The following SSC5D variants were observed in gnomAD, a reference collection of about 807,000 sequenced individuals.
The protein encoded by SSC5D is scavenger receptor cysteine rich family member with 5 domains, also known as soluble scavenger receptor cysteine-rich domain-containing protein SSC5D.
In SSC5D, 106 loss-of-function variants were observed where a neutral mutation model predicts 104.6. That is an observed-to-expected ratio of 1.01 (90% CI 0.87 to 1.19). The LOEUF (loss-of-function observed/expected upper bound fraction) is 1.19, where lower values mean the gene tolerates loss of function less well. Among genes scored for constraint, SSC5D ranks in the 50% most tolerant of loss-of-function variants. The pLI is 0.00. For synonymous variants in SSC5D, 860 were observed against 883.5 expected, an observed-to-expected ratio of 0.97 and a Z score of 0.47; for missense variants, 1,993 against 2,153.8, an observed-to-expected ratio of 0.93 and a Z score of 1.48.
In SSC5D at chr19:55,518,327, T is replaced by C. The variant is rs1711106640; in HGVS notation, c.4051T>C (p.Ser1351Pro). Residue 1351 changes from serine to proline, a missense_variant, in exon 14 of 14, where the codon TCT (serine) becomes CCT (proline). Ser to Pro is a moderately conservative substitution (Grantham distance 74, BLOSUM62 -1). Coordinates refer to ENST00000389623, the MANE Select transcript of SSC5D (RefSeq NM_001144950.2). Reference sequence around the variant, plus strand: ...AACCTCCTTGGGGACAGAACTCTCCTCTCCCACTCTAGCACCAACAGTCAA... The same window carrying C: ...AACCTCCTTGGGGACAGAACTCTCCCCTCCCACTCTAGCACCAACAGTCAA... ...LPTSLGTELSSPTLAPTVKPS... is the reference protein window; with the variant it reads ...LPTSLGTELSPPTLAPTVKPS... 1.9e-6 allele frequency: 3 copies of C among 1,549,498 alleles called. No individual in the cohort carries two copies. Among genetic ancestry groups the C allele is most frequent in the Admixed American group, 2.0e-5 (1 of 50,800 alleles).
At chr19:55,494,929 GTT>G in intron 8 of SSC5D, 146 bp downstream of exon 8, 1 of 955,086 alleles carries the variant, frequency 1.0e-6, no homozygotes, top group Non-Finnish European at 1.5e-6. Context: ...ACTGAGCTGG[GTT>G]CAATGCTCTG....
chr19:55,489,473 T>C lies in SSC5D; in HGVS notation c.172T>C (p.Cys58Arg). The stretch of plus-strand genomic sequence containing the variant: ...GGACCTGCGCGATGCCGCCGTGGCC[T>C]GCCGGCAGCTGGGCTGCGGAGGGGC... ...GWDLRDAAVA[C>R]RQLGCGGALA... Residue 58 changes from cysteine to arginine, a missense_variant, in exon 3 of 14, where the codon TGC (cysteine) becomes CGC (arginine). Transcript: ENST00000389623. The C allele has an allele frequency of 6.8e-7, 1 of 1,473,872 alleles. No individual in the cohort carries two copies. The highest frequency in any genetic ancestry group is 8.9e-7 in the Non-Finnish European group (1 of 1,120,164). The allele number at this position is 1,473,872 out of a possible 1,614,324, so 91.3% of individuals were successfully genotyped here.
chr19:55,494,866 C>A, intron 8 of SSC5D, 83 bp downstream of exon 8: 1 of 1,410,316 alleles, frequency 7.1e-7, no homozygotes, highest in South Asian at 1.5e-5. Flanking sequence ...TCATGGGGGG[C>A]CTCTTGCAAA....
rs1987574413 is a variant in SSC5D at position 55,503,852 on chromosome 19, G to A, written c.2785+2651G>A. 2.0e-5 allele frequency among the ~76,000 whole-genome samples: 3 copies of A among 152,290 alleles called. No homozygotes were observed. In the South Asian group the frequency reaches 6.2e-4, roughly 32 times the overall value. ...TTCTGGCGCTCAGCACGCATGCGCA[G>A]GCGCGGTGGGCCCGGGAATGGAGGG... On this transcript the variant is annotated intron_variant, in intron 12 of 13. Coordinates refer to ENST00000389623, the MANE Select transcript of SSC5D (RefSeq NM_001144950.2). This position sits in a 1 kb window ranked among gnomAD's most constrained non-coding sequence, Gnocchi z 4.0.
Position 55,513,531 on chromosome 19 carries a change from C to T in SSC5D, c.2947+359C>T, listed in dbSNP as rs147602584. ...GGTGCTCGAGGCTGTGGTTGTGCCA[C>T]TGTATTCCAGCCTGGGTGCCAGAGC... On this transcript the variant is annotated intron_variant, in intron 13 of 13. Transcript: ENST00000389623. 4.8e-3 allele frequency among the ~76,000 whole-genome samples: 727 copies of T among 152,214 alleles called. 10 individuals are homozygous for T. The highest frequency in any genetic ancestry group is 0.024 in the East Asian group (123 of 5,164).
At chr19:55,513,928 G>T (rs955356586) in intron 13 of SSC5D, among the ~76,000 whole-genome samples, 5 of 152,182 alleles carry the variant, frequency 3.3e-5, no homozygotes, top group Non-Finnish European at 7.3e-5. Context: ...AGCCCAAATG[G>T]CTGAGTGTAT....
chr19:55,517,713 C>T lies in SSC5D; in HGVS notation c.3437C>T (p.Ser1146Phe), dbSNP rs1987904733. 2 of 1,551,026 alleles carry T rather than the reference C, an allele frequency of 1.3e-6. No homozygotes were observed. The highest frequency in any genetic ancestry group is 4.9e-5 in the East Asian group (2 of 40,864). ...GAATATTCTAGATCCCCAGACCCCTCCCCAAGCCCTCACCCCACTACTACC... is the reference window on the plus strand; with the variant it reads ...GAATATTCTAGATCCCCAGACCCCTTCCCAAGCCCTCACCCCACTACTACC... ...VSEYSRSPDP[S>F]PSPHPTTTPD... The change falls in exon 14 of 14, where the codon TCC becomes TTC. Residue 1146 changes from serine (S) to phenylalanine (F), a missense_variant. This residue lies in a region of SSC5D where 423 missense variants were observed against 409.2 expected (regional missense o/e 1.03). Coordinates refer to ENST00000389623, the MANE Select transcript of SSC5D (RefSeq NM_001144950.2).
At chr19:55,512,985 C>A in intron 12 of SSC5D, 26 bp from the exon 13 acceptor site, 1 of 1,551,662 alleles carries the variant, frequency 6.4e-7, no homozygotes. Flanking sequence ...TTGGAAGACT[C>A]AATCCTCTTC....
intron 8 of SSC5D, among the ~76,000 whole-genome samples, chr19:55,496,634 C>T (rs763025186): frequency 2.0e-5 from 3 of 152,098 alleles, no homozygotes; most frequent in East Asian, 1.9e-4. Context: ...GAGGCAGCAC[C>T]GCTGAGAAAT....
intron 12 of SSC5D, among the ~76,000 whole-genome samples, chr19:55,509,019 G>A (rs1342333662): frequency 6.6e-6 from 1 of 152,166 alleles, no homozygotes; most frequent in Non-Finnish European, 1.5e-5. Context: ...ATGAATAAAG[G>A]CTTGCCAGGG....
intron 8 of SSC5D, 93 bp downstream of exon 8, chr19:55,494,876 A>G: frequency 7.2e-7 from 1 of 1,389,084 alleles, no homozygotes. Flanking sequence ...CCTCTTGCAA[A>G]GAGAAAGGTG....
chr19:55,506,021 G>A (rs117720625), intron 12 of SSC5D, among the ~76,000 whole-genome samples: 36,471 of 151,798 alleles, frequency 0.24, 4,908 homozygotes, highest in East Asian at 0.36. Flanking sequence ...ACAGGCGTGA[G>A]CCACGGCACC....
Position 55,488,438 on chromosome 19 carries a change from T to A in SSC5D, c.-152T>A. 1 of 235,998 alleles carries A rather than the reference T, an allele frequency of 4.2e-6. No individual in the cohort carries two copies. The highest frequency in any genetic ancestry group is 8.2e-6 in the Non-Finnish European group (1 of 121,974). The allele number at this position is 235,998 out of a possible 1,614,324, so 14.6% of individuals were successfully genotyped here. ...CGCCTCCCTGCAGCCTCTTTCTTCC[T>A]CCTGGCAAAGCGTCCAGCCCTGCCT... On this transcript the variant is annotated 5_prime_UTR_variant, in exon 1 of 14. Transcript: ENST00000389623.
At chr19:55,511,547 C>T (rs1987756714) in intron 12 of SSC5D, among the ~76,000 whole-genome samples, 1 of 152,214 alleles carries the variant, frequency 6.6e-6, no homozygotes, top group African/African-American at 2.4e-5. Flanking sequence ...ACAAATATGG[C>T]TGCTATGAAC....
chr19:55,501,070 G>A lies in SSC5D; in HGVS notation c.2654G>A (p.Trp885Ter), dbSNP rs1987488354. ...TATGACGATTATCCCCCCTGGACCT[G>A]GGACCCCACCTCAAGAGAGGACCTG... ...TDYDDYPPWT[W>*]DPTSREDLAK... Residue 885 changes from tryptophan to a stop codon, truncating the protein, a stop_gained, in exon 12 of 14, where the codon TGG (tryptophan) becomes TAG (stop). Transcript: ENST00000389623. LOFTEE classifies it high-confidence loss of function. 1 of 1,551,740 alleles carries A rather than the reference G, an allele frequency of 6.4e-7. No homozygotes were observed. Among genetic ancestry groups the A allele is most frequent in the Non-Finnish European group, 8.7e-7 (1 of 1,147,016 alleles).
In SSC5D at chr19:55,497,224, T is replaced by C. The variant is rs77178600; in HGVS notation, c.1388-656T>C. On this transcript the variant is annotated intron_variant, in intron 8 of 13. Transcript: ENST00000389623. ...CTGTAATGAAGTGTGTGCATGCTAC[T>C]TTCCCTGAAGACCGAGAGCTTTTCA... 4.8e-3 allele frequency among the ~76,000 whole-genome samples: 738 copies of C among 152,368 alleles called. 11 individuals carry two copies. The highest frequency in any genetic ancestry group is 0.017 in the African/African-American group (693 of 41,584).
At chr19:55,507,678 A>G (rs1161193598) in intron 12 of SSC5D, among the ~76,000 whole-genome samples, 11 of 151,322 alleles carry the variant, frequency 7.3e-5, no homozygotes, top group Non-Finnish European at 1.6e-4. Context: ...AAAAAAAAAA[A>G]AAAAAAAAAA....
At position 55,495,233 on chromosome 19, in the gene SSC5D, A is replaced by ATATATAATT. The variant is rs1555765051; in HGVS notation, c.1387+451_1387+452insATATAATTT. On this transcript the variant is annotated intron_variant, in intron 8 of 13. Transcript: ENST00000389623. ...CCTCCTTTCATATATATATATATATATTTTTTTTTTTTTTTTTTTTTTTTT... is the reference window on the plus strand; with the variant it reads ...CCTCCTTTCATATATATATATATATATATATAATTTTTTTTTTTTTTTTTTTTTTTTTTT... Among the ~76,000 whole-genome samples, 9 of 50,668 alleles carry ATATATAATT rather than the reference A, an allele frequency of 1.8e-4. 1 individual carries two copies. Among genetic ancestry groups the ATATATAATT allele is most frequent in the African/African-American group, 7.8e-4 (8 of 10,214 alleles). The allele number at this position is 50,668 out of a possible 152,430, so 33.2% of individuals were successfully genotyped here. A position where few individuals can be genotyped will look rare whatever the true frequency, so the allele number is the denominator to read the frequency against.
At chr19:55,495,233 A>ATATATAAT (rs1555765051) in intron 8 of SSC5D, among the ~76,000 whole-genome samples, 2 of 50,668 alleles carry the variant, frequency 3.9e-5, no homozygotes, top group African/African-American at 2.0e-4. Context: ...ATATATATAT[A>ATATATAAT]TTTTTTTTTT....
Sources: gnomAD v4.1 joint callset for allele counts (sites outside exome capture counted in the v4.1 genomes callset) on GRCh38, gnomAD v4.1.1 for gene constraint, gnomAD v4.1.1 regional missense constraint, Gnocchi (gnomAD v3.1) non-coding constraint, MANE v1.5 for transcripts, NCBI Gene and HGNC (gene_info 2026-07-23, HGNC 2026-07-21) for gene names.